Variants in RCAN3 observed in about 807,000 individuals in gnomAD.
RCAN3 encodes the protein regulator of calcineurin 3, also known as calcipressin-3.
Under a neutral mutation model 21.9 loss-of-function variants are expected in RCAN3, and 19 were observed. The observed-to-expected ratio is 0.87, with a 90% confidence interval of 0.61 to 1.27. RCAN3 has a LOEUF of 1.27. Ranked by LOEUF, RCAN3 falls within the 50% of genes most tolerant of loss-of-function variation. RCAN3 has a pLI of 0.00. For missense variants in RCAN3, 240 were observed against 300.1 expected (o/e 0.80, Z 1.48); for synonymous variants, 114 against 112.3 (o/e 1.01, Z -0.09).
intron 1 of RCAN3, among the ~76,000 whole-genome samples, chr1:24,503,525 C>G (rs1347475503): frequency 6.6e-6 from 1 of 152,226 alleles, no homozygotes; most frequent in African/African-American, 2.4e-5. Context: ...AAGGTGGAAG[C>G]CCCCTGTCTT....
Position 24,514,511 on chromosome 1 carries a change from A to C in RCAN3, c.139A>C (p.Thr47Pro), listed in dbSNP as rs756391816. The part of the protein sequence containing the change: ...DEMMDLSDLP[T>P]SLFACSVHEA... The stretch of plus-strand genomic sequence containing the variant: ...GATGATGGATTTAAGTGATCTGCCT[A>C]CCTCACTTTTTGCTTGCAGCGTCCA... Residue 47 changes from threonine (T) to proline (P), a missense_variant, in exon 2 of 5, where the codon ACC (threonine) becomes CCC (proline). Transcript: ENST00000374395. 6.2e-7 allele frequency: 1 copy of C among 1,614,160 alleles called. No individual in the cohort carries two copies. Among genetic ancestry groups the C allele is most frequent in the Non-Finnish European group, 8.5e-7 (1 of 1,180,032 alleles).
rs1318700413 is a variant in RCAN3 at position 24,537,398 on chromosome 1, T to C, written c.*2121T>C. 2 of 152,100 alleles carry C rather than the reference T, an allele frequency of 1.3e-5. No homozygotes were observed. The highest frequency in any genetic ancestry group is 2.9e-5 in the Non-Finnish European group (2 of 68,018). The allele number at this position is 152,100 out of a possible 1,614,324, so 9.4% of individuals were successfully genotyped here. A position where few individuals can be genotyped will look rare whatever the true frequency, so the allele number is the denominator to read the frequency against. ...TCTAGTATAATATAATAAAATGAAT[T>C]TTTTTAAAAAAGCTACTAAGTACCC... On this transcript the variant is annotated 3_prime_UTR_variant, in exon 5 of 5. Coordinates refer to ENST00000374395, the MANE Select transcript of RCAN3 (RefSeq NM_013441.4).
chr1:24,538,711 G>C lies in RCAN3; in HGVS notation c.*3434G>C, dbSNP rs981492725. The C allele has an allele frequency of 1.3e-5, 2 of 151,834 alleles. No individual in the cohort carries two copies. Among genetic ancestry groups the C allele is most frequent in the Non-Finnish European group, 2.9e-5 (2 of 68,004 alleles). 9.4% of individuals were successfully genotyped at this position (151,834 alleles called of 1,614,324 possible). A position where few individuals can be genotyped will look rare whatever the true frequency, so the allele number is the denominator to read the frequency against. The stretch of plus-strand genomic sequence containing the variant: ...TAACCAGGCGTGAGCCACTGCGCCC[G>C]GCCTTAAATAAAATATTGTAGTCAT... On this transcript the variant is annotated 3_prime_UTR_variant, in exon 5 of 5. Transcript: ENST00000374395.
In RCAN3 at chr1:24,514,584, C is replaced by T; in HGVS notation, c.195+17C>T. 1 of 1,607,042 alleles carries T rather than the reference C, an allele frequency of 6.2e-7. No homozygotes were observed. On this transcript the variant is annotated intron_variant, in intron 2 of 4. Transcript: ENST00000374395. ...GAGCAGAAGGTAGGCATCTATCCTC[C>T]CTTTCCCTACATTTGTAGCATGTTA...
chr1:24,525,475 G>A lies in RCAN3; in HGVS notation c.196-5743G>A, dbSNP rs1023161893. ...TTTGTGTTATGCCTGTAGACGTTGT[G>A]CTGCCAGAGGGGGATACTAAGTGAC... is the stretch of plus-strand genomic sequence containing the variant. On this transcript the variant is annotated intron_variant, in intron 2 of 4. Transcript: ENST00000374395. This position sits in a 1 kb window ranked among gnomAD's most constrained non-coding sequence, Gnocchi z 4.1. 1.4e-4 allele frequency among the ~76,000 whole-genome samples: 21 copies of A among 152,162 alleles called. No individual in the cohort carries two copies. Among genetic ancestry groups the A allele is most frequent in the African/African-American group, 4.8e-4 (20 of 41,438 alleles).
At chr1:24,513,127 C>T (rs937839408) in intron 1 of RCAN3, among the ~76,000 whole-genome samples, 2 of 152,074 alleles carry the variant, frequency 1.3e-5, no homozygotes, top group African/African-American at 4.8e-5. Flanking sequence ...GTCCCAGCTA[C>T]CTGGGAGGCT....
intron 1 of RCAN3, among the ~76,000 whole-genome samples, chr1:24,505,530 T>C (rs1010633484): frequency 2.0e-5 from 3 of 152,190 alleles, no homozygotes; most frequent in Non-Finnish European, 4.4e-5. Flanking sequence ...TCCAAGTGTT[T>C]TGTTTTGTTT....
intron 2 of RCAN3, among the ~76,000 whole-genome samples, chr1:24,526,736 ATATTTCTTAAC>A (rs1339808310): frequency 1.3e-5 from 2 of 152,168 alleles, no homozygotes; most frequent in African/African-American, 2.4e-5. Context: ...TTCAATGTTA[ATATTTCTTAAC>A]TATCTCACAT....
intron 1 of RCAN3, among the ~76,000 whole-genome samples, chr1:24,510,271 G>A (rs758595622): frequency 3.9e-5 from 6 of 152,178 alleles, no homozygotes; most frequent in South Asian, 2.1e-4. Flanking sequence ...CCTGTCCTTC[G>A]AAGCTTTGAA....
At chr1:24,529,406 AAG>A (rs1649559269) in intron 2 of RCAN3, among the ~76,000 whole-genome samples, 1 of 151,204 alleles carries the variant, frequency 6.6e-6, no homozygotes, top group African/African-American at 2.4e-5. Flanking sequence ...AAGAAAAAAA[AAG>A]AAAAAAAGCC....
upstream of RCAN3, chr1:24,502,775 C>A (rs1376464482): frequency 6.6e-6 from 1 of 151,016 alleles, no homozygotes; most frequent in East Asian, 2.0e-4. Flanking sequence ...CCCCGGTCCC[C>A]GCCCGGGTCC....
At chr1:24,527,333 A>G (rs1035041093) in intron 2 of RCAN3, among the ~76,000 whole-genome samples, 3 of 152,232 alleles carry the variant, frequency 2.0e-5, no homozygotes, top group Non-Finnish European at 4.4e-5. Flanking sequence ...TGGAAACACG[A>G]TAGTAAATAA....
At chr1:24,530,940 G>A (rs1349679684) in intron 2 of RCAN3, among the ~76,000 whole-genome samples, 2 of 152,138 alleles carry the variant, frequency 1.3e-5, no homozygotes, top group Non-Finnish European at 2.9e-5. Flanking sequence ...AATCCAAGAG[G>A]TGGAGGTTGC....
chr1:24,528,389 G>A (rs1388671074), intron 2 of RCAN3, among the ~76,000 whole-genome samples: 1 of 152,152 alleles, frequency 6.6e-6, no homozygotes, highest in Non-Finnish European at 1.5e-5. Flanking sequence ...AAGACAGTGA[G>A]TGTCAAACTG....
At chr1:24,508,110 G>A (rs987328336) in intron 1 of RCAN3, among the ~76,000 whole-genome samples, 3 of 151,656 alleles carry the variant, frequency 2.0e-5, no homozygotes, top group Admixed American at 6.6e-5. Flanking sequence ...GTGAAACTCC[G>A]TCTCAAAAAA....
At chr1:24,534,749 G>A (rs1369661084) in intron 4 of RCAN3, among the ~76,000 whole-genome samples, 2 of 152,182 alleles carry the variant, frequency 1.3e-5, no homozygotes, top group African/African-American at 2.4e-5. Context: ...GGAGTGAGCC[G>A]AGATCGTGCC....
intron 2 of RCAN3, among the ~76,000 whole-genome samples, chr1:24,521,420 A>G (rs549783145): frequency 6.6e-6 from 1 of 152,228 alleles, no homozygotes; most frequent in Non-Finnish European, 1.5e-5. Flanking sequence ...AAAACAAAAA[A>G]CCAAAGACTT....
intron 4 of RCAN3, among the ~76,000 whole-genome samples, chr1:24,533,598 G>A (rs772455646): frequency 5.9e-5 from 9 of 152,110 alleles, no homozygotes; most frequent in African/African-American, 9.7e-5. Context: ...TCAGGAGTTC[G>A]AGACCAACCT....
intron 1 of RCAN3, among the ~76,000 whole-genome samples, chr1:24,506,545 A>G (rs1647454903): frequency 2.0e-5 from 3 of 152,290 alleles, no homozygotes. Flanking sequence ...TCCATCTTTC[A>G]ATGGCTCAGG....
Sources: gnomAD v4.1 joint callset for allele counts (sites outside exome capture counted in the v4.1 genomes callset) on GRCh38, gnomAD v4.1.1 for gene constraint, Gnocchi (gnomAD v3.1) non-coding constraint, MANE v1.5 for transcripts, NCBI Gene and HGNC (gene_info 2026-07-23, HGNC 2026-07-21) for gene names.